Variants in ARB2A observed in about 807,000 individuals in gnomAD.
The protein encoded by ARB2A is cotranscriptional regulator ARB2A.
At chr5:94,069,039 AAGATAGATAGAT>A in the ARB2A span, among the ~76,000 whole-genome samples, 19 of 140,394 alleles carry the variant, frequency 1.4e-4, no homozygotes, top group Admixed American at 2.9e-4. Flanking sequence ...CTGTCTTAAA[AAGATAGATAGAT>A]AGATAGATAG....
the ARB2A span, among the ~76,000 whole-genome samples, chr5:94,032,480 T>G: frequency 6.6e-6 from 1 of 151,980 alleles, no homozygotes; most frequent in Non-Finnish European, 1.5e-5. Context: ...TCAGGAGAAA[T>G]CCACCCCCAT....
chr5:94,073,868 T>A, the ARB2A span, among the ~76,000 whole-genome samples: 19 of 152,236 alleles, frequency 1.2e-4, no homozygotes, highest in Non-Finnish European at 2.6e-4. Context: ...CAGCTCTTTG[T>A]GAAGGTCAAA....
chr5:93,927,008 C>T, the ARB2A span, among the ~76,000 whole-genome samples: 1 of 149,798 alleles, frequency 6.7e-6, no homozygotes, highest in African/African-American at 2.4e-5. Flanking sequence ...AAGGCTCATC[C>T]CAAAATGAAA....
At chr5:93,794,886 C>T in the ARB2A span, among the ~76,000 whole-genome samples, 1 of 152,124 alleles carries the variant, frequency 6.6e-6, no homozygotes, top group East Asian at 1.9e-4. Flanking sequence ...GTTGATTGGT[C>T]TCCAGTCATG....
the ARB2A span, among the ~76,000 whole-genome samples, chr5:93,985,904 C>T: frequency 6.7e-6 from 1 of 149,802 alleles, no homozygotes; most frequent in Non-Finnish European, 1.5e-5. Context: ...ATATGAGGAG[C>T]CCCTCTGCCC....
chr5:93,671,597 A>G, the ARB2A span, among the ~76,000 whole-genome samples: 1 of 152,180 alleles, frequency 6.6e-6, no homozygotes, highest in Non-Finnish European at 1.5e-5. Flanking sequence ...TGTTATTAAA[A>G]AAATGAAGCA....
chr5:93,980,002 A>G, the ARB2A span, among the ~76,000 whole-genome samples: 1 of 152,166 alleles, frequency 6.6e-6, no homozygotes, highest in Non-Finnish European at 1.5e-5. Context: ...TTTAAATAGT[A>G]TATTTTTCTA....
the ARB2A span, among the ~76,000 whole-genome samples, chr5:93,959,900 G>T: frequency 6.6e-6 from 1 of 151,948 alleles, no homozygotes; most frequent in Non-Finnish European, 1.5e-5. Context: ...CAGCACTGGC[G>T]AGTGACTGGA....
chr5:93,692,635 T>G, the ARB2A span, among the ~76,000 whole-genome samples: 3 of 152,096 alleles, frequency 2.0e-5, no homozygotes, highest in South Asian at 2.1e-4. Context: ...ATTAGATAGA[T>G]CAACAAGACA....
chr5:93,883,880 A>G, the ARB2A span, among the ~76,000 whole-genome samples: 2 of 148,708 alleles, frequency 1.3e-5, no homozygotes, highest in African/African-American at 4.9e-5. Flanking sequence ...GCCTTCTCTG[A>G]GTGAATTGAA....
chr5:94,100,271 T>A, the ARB2A span, among the ~76,000 whole-genome samples: 1 of 152,020 alleles, frequency 6.6e-6, no homozygotes, highest in African/African-American at 2.4e-5. Context: ...AAAACACTGC[T>A]GAAAGAAATC....
At chr5:94,074,887 T>C in the ARB2A span, 1 of 621,012 alleles carries the variant, frequency 1.6e-6, no homozygotes, top group Non-Finnish European at 2.8e-6. Flanking sequence ...ACTTTGTTGA[T>C]GCCTATGCCA....
At chr5:93,751,591 T>C in the ARB2A span, among the ~76,000 whole-genome samples, 2 of 152,210 alleles carry the variant, frequency 1.3e-5, no homozygotes, top group African/African-American at 4.8e-5. Context: ...TTTAAAGTGC[T>C]GATAATCAAC....
At chr5:94,045,064 G>A in the ARB2A span, among the ~76,000 whole-genome samples, 1 of 145,180 alleles carries the variant, frequency 6.9e-6, no homozygotes, top group Non-Finnish European at 1.5e-5. Flanking sequence ...AGTGCAGTGA[G>A]CTGAGATCAT....
the ARB2A span, among the ~76,000 whole-genome samples, chr5:93,960,600 T>G: frequency 6.6e-6 from 1 of 152,166 alleles, no homozygotes; most frequent in Non-Finnish European, 1.5e-5. Flanking sequence ...AATAAACTTT[T>G]GGAATGAGGA....
the ARB2A span, among the ~76,000 whole-genome samples, chr5:93,623,158 T>C: frequency 6.6e-6 from 1 of 151,644 alleles, no homozygotes; most frequent in South Asian, 2.1e-4. Flanking sequence ...GTTGCACTTA[T>C]AATGGTAGGA....
chr5:93,997,474 T>C, the ARB2A span, among the ~76,000 whole-genome samples: 9 of 152,040 alleles, frequency 5.9e-5, no homozygotes, highest in South Asian at 2.1e-4. Context: ...TAAGCAAAGA[T>C]AGAAGGTATA....
the ARB2A span, among the ~76,000 whole-genome samples, chr5:93,672,357 T>TG: frequency 1.3e-5 from 2 of 152,006 alleles, no homozygotes; most frequent in Non-Finnish European, 2.9e-5. Flanking sequence ...GTCACGAGGC[T>TG]GGAGTGCAAT....
the ARB2A span, among the ~76,000 whole-genome samples, chr5:93,779,090 A>AGAGTGT: frequency 1.4e-5 from 2 of 143,342 alleles, no homozygotes; most frequent in Admixed American, 1.4e-4. Flanking sequence ...GTCATTTCAG[A>AGAGTGT]GTGTGTGTGT....
Sources: allele counts gnomAD v4.1 joint callset (sites outside exome capture counted in the v4.1 genomes callset), GRCh38; gene constraint gnomAD v4.1.1; transcripts MANE v1.5; gene names NCBI Gene and HGNC (gene_info 2026-07-23, HGNC 2026-07-21).